The following PRPS1 variants were observed in gnomAD, a reference collection of about 807,000 sequenced individuals.
The protein encoded by PRPS1 is phosphoribosyl pyrophosphate synthetase 1, also known as ribose-phosphate pyrophosphokinase 1.
PRPS1 carries 1 observed loss-of-function variant against 16.9 expected under a neutral mutation model. That is an observed-to-expected ratio of 0.06 (90% CI 0.02 to 0.28). The LOEUF (loss-of-function observed/expected upper bound fraction) is 0.28. PRPS1 is among the 10% of genes least tolerant of loss of function. PRPS1 has a pLI of 1.00. For missense variants in PRPS1, 47 were observed against 254.0 expected, an observed-to-expected ratio of 0.19 and a Z score of 5.54; for synonymous variants, 70 against 90.2, an observed-to-expected ratio of 0.78 and a Z score of 1.27.
At position 107,650,550 on chromosome X, in the gene PRPS1, G is replaced by C. The variant is rs1270385030; in HGVS notation, c.*518G>C. ...AGCTCAGCTTGAGCAGACATTGGGT[G>C]GGGGGTGGGGGGTGGTTGAGGGGGG... On this transcript the variant is annotated 3_prime_UTR_variant, in exon 7 of 7. Coordinates refer to ENST00000372435, the MANE Select transcript of PRPS1 (RefSeq NM_002764.4). 11 of 131,989 alleles carry C rather than the reference G, an allele frequency of 8.3e-5. No individual in the cohort carries two copies. The highest frequency in any genetic ancestry group is 1.6e-4 in the Non-Finnish European group (11 of 70,691). 10.9% of individuals were successfully genotyped at this position (131,989 alleles called of 1,213,427 possible).
chrX:107,633,926 C>CA (rs1253787304), intron 1 of PRPS1, among the ~76,000 whole-genome samples: 1 of 109,884 alleles, frequency 9.1e-6, no homozygotes, highest in Non-Finnish European at 1.9e-5. Flanking sequence ...GATTCCGTCT[C>CA]AAAAAAAATA....
At chrX:107,641,502 C>G (rs1925572586) in intron 3 of PRPS1, among the ~76,000 whole-genome samples, 1 of 111,246 alleles carries the variant, frequency 9.0e-6, no homozygotes, top group East Asian at 2.8e-4. Flanking sequence ...ATTACAGGCA[C>G]CTGACACCAG....
chrX:107,637,952 T>TATA (rs1569438141), intron 1 of PRPS1, among the ~76,000 whole-genome samples: 111 of 101,960 alleles, frequency 1.1e-3, no homozygotes, highest in African/African-American at 3.8e-3. Context: ...ATATATATAT[T>TATA]TTTTTGATAT....
intron 5 of PRPS1, 60 bp from the exon 6 acceptor site, chrX:107,647,546 C>T (rs951273092): frequency 1.7e-6 from 2 of 1,154,846 alleles, no homozygotes; most frequent in Admixed American, 2.2e-5. Flanking sequence ...ATACTCCTCC[C>T]TGACTAAAAT....
chrX:107,642,255 G>T, intron 3 of PRPS1, 111 bp from the exon 4 acceptor site: 1 of 1,064,170 alleles, frequency 9.4e-7, no homozygotes, highest in Non-Finnish European at 1.3e-6. Flanking sequence ...CTTCCCATCA[G>T]TTTGAATGTT....
chrX:107,640,677 T>C (rs1327763749), intron 2 of PRPS1, among the ~76,000 whole-genome samples: 3 of 112,321 alleles, frequency 2.7e-5, no homozygotes, highest in Admixed American at 9.5e-5. Flanking sequence ...GGAAAGCATT[T>C]TCTTTATTGA....
At chrX:107,629,913 TAATC>T (rs759095342) in intron 1 of PRPS1, 1 of 112,777 alleles carries the variant, frequency 8.9e-6, no homozygotes, top group Non-Finnish European at 1.9e-5. Flanking sequence ...TTTCACCTAA[TAATC>T]AGATAAGAAT....
chrX:107,647,516 G>T, intron 5 of PRPS1, 90 bp from the exon 6 acceptor site: 1 of 918,657 alleles, frequency 1.1e-6, no homozygotes, highest in Non-Finnish European at 1.6e-6. Flanking sequence ...ATTTTGTTGT[G>T]GAAGCCTAAG....
At chrX:107,649,452 T>C (rs1925781982) in intron 6 of PRPS1, among the ~76,000 whole-genome samples, 1 of 109,078 alleles carries the variant, frequency 9.2e-6, no homozygotes, top group Non-Finnish European at 1.9e-5. Context: ...AAGTGGCTGT[T>C]TTGTTTTGTT....
chrX:107,642,413 C>T lies in PRPS1; in HGVS notation c.453C>T (p.Val151=). The T allele has an allele frequency of 8.3e-7, 1 of 1,211,380 alleles. No homozygotes were observed. The highest frequency in any genetic ancestry group is 3.0e-5 in the East Asian group (1 of 33,851). The part of the protein sequence containing the change: ...PVDNLYAEPA[V]LKWIRENISE... ...ACAATTTGTATGCAGAGCCGGCTGTCCTAAAGTGGATAAGGGAGAATATCT... is the reference window on the plus strand; with the variant it reads ...ACAATTTGTATGCAGAGCCGGCTGTTCTAAAGTGGATAAGGGAGAATATCT... The change falls in exon 4 of 7, where the codon GTC becomes GTT. Residue 151 remains valine, a synonymous_variant. Coordinates refer to ENST00000372435, the MANE Select transcript of PRPS1 (RefSeq NM_002764.4).
At chrX:107,638,769 G>A (rs1197976168) in intron 1 of PRPS1, among the ~76,000 whole-genome samples, 2 of 110,500 alleles carry the variant, frequency 1.8e-5, no homozygotes, top group African/African-American at 6.6e-5. Flanking sequence ...GTCTCACTCT[G>A]TTGCCCAGGC....
intron 3 of PRPS1, 150 bp from the exon 4 acceptor site, chrX:107,642,216 G>A: frequency 1.2e-6 from 1 of 817,936 alleles, no homozygotes; most frequent in Non-Finnish European, 1.8e-6. Context: ...ATTCAAGGAG[G>A]CTTTTATAAT....
intron 3 of PRPS1, 42 bp downstream of exon 3, chrX:107,641,042 G>A: frequency 2.5e-6 from 3 of 1,211,622 alleles, no homozygotes; most frequent in Non-Finnish European, 3.4e-6. Flanking sequence ...AAGGTGGGAG[G>A]AAAGGACTGA....
intron 1 of PRPS1, among the ~76,000 whole-genome samples, chrX:107,632,385 C>T (rs182334827): frequency 3.8e-4 from 43 of 112,551 alleles, no homozygotes; most frequent in Admixed American, 3.4e-3. Flanking sequence ...GTATTTTGCA[C>T]ATGCCAATAT....
chrX:107,647,327 C>T (rs1402996962), intron 5 of PRPS1, among the ~76,000 whole-genome samples: 2 of 112,586 alleles, frequency 1.8e-5, no homozygotes, highest in Non-Finnish European at 3.8e-5. Context: ...GAGGCCTCAG[C>T]ATGACACCTA....
chrX:107,639,599 G>C (rs902859863), intron 2 of PRPS1, 121 bp downstream of exon 2: 41 of 702,981 alleles, frequency 5.8e-5, no homozygotes, highest in Non-Finnish European at 8.8e-5. Context: ...CCTTTTCTTA[G>C]GTATTACCCT....
intron 1 of PRPS1, among the ~76,000 whole-genome samples, chrX:107,632,075 C>T (rs887127468): frequency 5.3e-5 from 6 of 112,382 alleles, no homozygotes; most frequent in Admixed American, 4.7e-4. Flanking sequence ...CCCCTCAAAA[C>T]TGCTATGAGG....
rs763356851 is a variant in PRPS1 at position 107,645,389 on chromosome X, A to G, written c.704+39A>G. ...GATGGGGCTGGTAGTTAGAAGGAAAAAGCTAGCAATTGCTGTCTGAATGTC... is the reference window on the plus strand; with the variant it reads ...GATGGGGCTGGTAGTTAGAAGGAAAGAGCTAGCAATTGCTGTCTGAATGTC... On this transcript the variant is annotated intron_variant, in intron 5 of 6. Transcript: ENST00000372435. 4.1e-6 allele frequency: 5 copies of G among 1,205,251 alleles called. No individual in the cohort carries two copies. In the South Asian group the frequency reaches 8.8e-5, roughly 21 times the overall value.
Position 107,640,913 on chromosome X carries a change from A to C in PRPS1, c.318A>C (p.Pro106=). ...RQDKKDKSRA[P]ISAKLVANML... The stretch of plus-strand genomic sequence containing the variant: ...TCCCCTCCATTTAGAGCCGGGCGCC[A>C]ATCTCAGCCAAGCTTGTTGCAAATA... Residue 106 remains proline (P), a synonymous_variant, in exon 3 of 7, where the codon CCA becomes CCC. Transcript: ENST00000372435. 1 of 1,211,785 alleles carries C rather than the reference A, an allele frequency of 8.3e-7. No homozygotes were observed. Among genetic ancestry groups the C allele is most frequent in the Non-Finnish European group, 1.1e-6 (1 of 895,529 alleles).
Sources: allele counts gnomAD v4.1 joint callset (sites outside exome capture counted in the v4.1 genomes callset), GRCh38; gene constraint gnomAD v4.1.1; transcripts MANE v1.5; gene names NCBI Gene and HGNC (gene_info 2026-07-23, HGNC 2026-07-21).